The following PTBP3 variants were observed in gnomAD, a reference collection of about 807,000 sequenced individuals.
PTBP3 encodes polypyrimidine tract binding protein 3, also known as polypyrimidine tract-binding protein 3.
In PTBP3, 20 loss-of-function variants were observed where a neutral mutation model predicts 58.7. That is an observed-to-expected ratio of 0.34 (90% CI 0.24 to 0.50). PTBP3 has a LOEUF of 0.50. Ranked by LOEUF, PTBP3 falls within the 20% of genes least tolerant of loss-of-function variation. The pLI, the probability that PTBP3 is intolerant of heterozygous loss-of-function variation, is 0.98. For missense variants in PTBP3, 509 were observed against 637.2 expected, an observed-to-expected ratio of 0.80 and a Z score of 2.17; for synonymous variants, 185 against 219.8, an observed-to-expected ratio of 0.84 and a Z score of 1.40.
intron 10 of PTBP3, among the ~76,000 whole-genome samples, chr9:112,230,072 G>A (rs1053234213): frequency 2.0e-5 from 3 of 152,092 alleles, no homozygotes; most frequent in African/African-American, 7.2e-5. Flanking sequence ...CTGTGGTGAT[G>A]GCCACACAAC....
At chr9:112,218,138 C>G (rs1314194806), downstream of PTBP3, 3 of 152,196 alleles carry the variant, frequency 2.0e-5, no homozygotes, top group Admixed American at 6.5e-5. Context: ...AGTGTGCAAG[C>G]AAGAAAGCAT....
chr9:112,314,234 A>G (rs1345229099), intron 1 of PTBP3, among the ~76,000 whole-genome samples: 1 of 152,220 alleles, frequency 6.6e-6, no homozygotes, highest in Non-Finnish European at 1.5e-5. Flanking sequence ...AATCATAAGA[A>G]AGCTGGAATG....
At chr9:112,329,503 T>A (rs1222305302) in intron 1 of PTBP3, among the ~76,000 whole-genome samples, 1 of 152,210 alleles carries the variant, frequency 6.6e-6, no homozygotes, top group Non-Finnish European at 1.5e-5. Flanking sequence ...ATACTAATTA[T>A]CCAGCTCTCT....
chr9:112,240,046 G>A (rs1259719526), intron 7 of PTBP3, among the ~76,000 whole-genome samples: 1 of 152,010 alleles, frequency 6.6e-6, no homozygotes. Flanking sequence ...TAATATGTTT[G>A]ACAAACAATA....
intron 4 of PTBP3, among the ~76,000 whole-genome samples, chr9:112,264,973 TAAAAG>T (rs1836737449): frequency 6.6e-6 from 1 of 152,084 alleles, no homozygotes; most frequent in Non-Finnish European, 1.5e-5. Flanking sequence ...CTGAAAGACA[TAAAAG>T]AAAACAAACA....
At chr9:112,359,726 CCGGGAGGCGGAGG>C in the PTBP3 span, among the ~76,000 whole-genome samples, 8 of 152,008 alleles carry the variant, frequency 5.3e-5, no homozygotes, top group Admixed American at 3.3e-4. Context: ...TCACTTGAAC[CCGGGAGGCGGAGG>C]TTGCCGGGAG....
At position 112,221,335 on chromosome 9, in the gene PTBP3, TTCTC is replaced by T. The variant is rs1425026566; in HGVS notation, c.*2512_*2515del. The T allele has an allele frequency of 2.0e-6, 2 of 985,790 alleles. No individual in the cohort carries two copies. The highest frequency in any genetic ancestry group is 1.1e-4 in the East Asian group (1 of 8,804). The allele number at this position is 985,790 out of a possible 1,614,324, so 61.1% of individuals were successfully genotyped here. A position where few individuals can be genotyped will look rare whatever the true frequency, so the allele number is the denominator to read the frequency against. Reference sequence around the variant, plus strand: ...CAAATCCCTGAAAAGGATTCAAATGTTCTCTCTCAGACTTAAAAGGCCATTCCCT... The same window carrying T: ...CAAATCCCTGAAAAGGATTCAAATGTTCTCAGACTTAAAAGGCCATTCCCT... On this transcript the variant is annotated 3_prime_UTR_variant, in exon 14 of 14. Coordinates refer to ENST00000374257, the MANE Select transcript of PTBP3 (RefSeq NM_001163788.4).
At chr9:112,340,889 T>TAAAA in the PTBP3 span, among the ~76,000 whole-genome samples, 9 of 150,026 alleles carry the variant, frequency 6.0e-5, no homozygotes, top group Non-Finnish European at 1.3e-4. Context: ...AAAAAAAAAA[T>TAAAA]AAATAAAATA....
chr9:112,337,484 C>T (rs1830585867), upstream of PTBP3, among the ~76,000 whole-genome samples: 1 of 152,188 alleles, frequency 6.6e-6, no homozygotes, highest in African/African-American at 2.4e-5. Context: ...AGCTTTCTAT[C>T]ATCTCCACAG....
chr9:112,276,171 AC>A (rs1704163428), intron 2 of PTBP3, among the ~76,000 whole-genome samples, 158 bp from the exon 3 acceptor site: 1 of 152,206 alleles, frequency 6.6e-6, no homozygotes, highest in South Asian at 2.1e-4. Flanking sequence ...AGAGTAGAAA[AC>A]AAAACCAACT....
Position 112,234,888 on chromosome 9 carries a change from C to G in PTBP3, c.812G>C (p.Gly271Ala), listed in dbSNP as rs142428067. 8.9e-5 allele frequency: 143 copies of G among 1,611,812 alleles called. No homozygotes were observed. Among genetic ancestry groups the G allele is most frequent in the Non-Finnish European group, 1.2e-4 (137 of 1,178,520 alleles). The change falls in exon 8 of 14, where the codon GGT (glycine) becomes GCT (alanine). Residue 271 changes from glycine to alanine, a missense_variant. Gly to Ala is a moderately conservative substitution (Grantham distance 60, BLOSUM62 0). Around this residue, in one of 4 missense-constraint regions of PTBP3, gnomAD observed 121 missense variants for 114.8 expected, o/e 1.05. Coordinates refer to ENST00000374257, the MANE Select transcript of PTBP3 (RefSeq NM_001163788.4). ...CCCTGCATATGGTGAAGAAATTATA[C>G]CCGGTGCACCTAATGGGAAAGAGAA... ...PPMAAAFGAPGIISSPYAGAA... is the reference protein window; with the variant it reads ...PPMAAAFGAPAIISSPYAGAA...
the PTBP3 span, among the ~76,000 whole-genome samples, chr9:112,366,756 C>T: frequency 6.6e-6 from 1 of 152,132 alleles, no homozygotes; most frequent in South Asian, 2.1e-4. Flanking sequence ...TAGTGGGGCA[C>T]CACCTAGTGG....
chr9:112,258,831 C>T (rs1242209490), intron 5 of PTBP3, among the ~76,000 whole-genome samples: 2 of 152,108 alleles, frequency 1.3e-5, no homozygotes, highest in African/African-American at 4.8e-5. Context: ...CATAGCAAGA[C>T]CCTATCTCTA....
chr9:112,262,345 C>T, intron 5 of PTBP3, 90 bp downstream of exon 5: 1 of 1,098,472 alleles, frequency 9.1e-7, no homozygotes, highest in Non-Finnish European at 1.2e-6. Context: ...TCAACAAAAC[C>T]AATAAGCTAA....
chr9:112,357,739 T>C, the PTBP3 span, among the ~76,000 whole-genome samples: 3 of 152,344 alleles, frequency 2.0e-5, no homozygotes, highest in East Asian at 5.8e-4. Flanking sequence ...TTCTTCTTTA[T>C]TGCAGCTTCT....
At chr9:112,272,947 G>A (rs560059838) in intron 3 of PTBP3, 1 of 152,142 alleles carries the variant, frequency 6.6e-6, no homozygotes, top group Non-Finnish European at 1.5e-5. Flanking sequence ...ACAGGAAATG[G>A]CAAGTATCTC....
At chr9:112,368,938 A>G in the PTBP3 span, among the ~76,000 whole-genome samples, 1 of 152,220 alleles carries the variant, frequency 6.6e-6, no homozygotes, top group Non-Finnish European at 1.5e-5. Flanking sequence ...AGCCATGGCT[A>G]AAAGGGGCCA....
intron 2 of PTBP3, among the ~76,000 whole-genome samples, chr9:112,278,358 C>A (rs1467059692): frequency 1.3e-5 from 2 of 152,154 alleles, no homozygotes; most frequent in Non-Finnish European, 2.9e-5. Context: ...TCCCTGCAGG[C>A]ATAGAGAGCT....
In PTBP3 at chr9:112,222,603, C is replaced by G; in HGVS notation, c.*1248G>C. 8 of 985,698 alleles carry G rather than the reference C, an allele frequency of 8.1e-6. No homozygotes were observed. The highest frequency in any genetic ancestry group is 9.6e-6 in the Non-Finnish European group (8 of 829,876). The allele number at this position is 985,698 out of a possible 1,614,324, so 61.1% of individuals were successfully genotyped here. A position where few individuals can be genotyped will look rare whatever the true frequency, so the allele number is the denominator to read the frequency against. ...CAAAACCATTCACCCTTCCCCACAC[C>G]GTCTCTGCACCAAGCACCAAAAATT... On this transcript the variant is annotated 3_prime_UTR_variant, in exon 14 of 14. Transcript: ENST00000374257.
Sources: gnomAD v4.1 joint callset for allele counts (sites outside exome capture counted in the v4.1 genomes callset) on GRCh38, gnomAD v4.1.1 for gene constraint, gnomAD v4.1.1 regional missense constraint, MANE v1.5 for transcripts, NCBI Gene and HGNC (gene_info 2026-07-23, HGNC 2026-07-21) for gene names.